Variants in SLAIN1 observed in about 807,000 individuals in gnomAD.
SLAIN1 encodes the protein SLAIN motif-containing protein 1.
SLAIN1 carries 17 observed loss-of-function variants against 55.4 expected under a neutral mutation model. That is an observed-to-expected ratio of 0.31 (90% CI 0.21 to 0.46). SLAIN1 has a LOEUF of 0.46. SLAIN1 is among the 20% of genes least tolerant of loss of function. The probability of loss-of-function intolerance (pLI) is 1.00; values close to 1 mark genes in which losing one functional copy is unlikely to be tolerated. For missense variants in SLAIN1, 682 were observed against 785.1 expected (o/e 0.87, Z 1.57); for synonymous variants, 348 against 337.4 (o/e 1.03, Z -0.35).
rs1028036952 is a variant in SLAIN1, at chr13:77,705,093, T to C, written c.626+6554T>C. Reference sequence around the variant, plus strand: ...CACACATAAAATATATACTTGTGTGTATACATATGTGACTGTACCATTTGT... The same window carrying C: ...CACACATAAAATATATACTTGTGTGCATACATATGTGACTGTACCATTTGT... On this transcript the variant is annotated intron_variant, in intron 1 of 6. Transcript: ENST00000418532. 1.1e-4 allele frequency among the ~76,000 whole-genome samples: 16 copies of C among 151,644 alleles called. 4 individuals carry two copies. The highest frequency in any genetic ancestry group is 1.8e-4 in the Non-Finnish European group (12 of 67,716).
intron 3 of SLAIN1, among the ~76,000 whole-genome samples, chr13:77,746,297 CT>C (rs1230172070): frequency 6.6e-6 from 1 of 152,048 alleles, no homozygotes; most frequent in Non-Finnish European, 1.5e-5. Flanking sequence ...TTGGGGCAAT[CT>C]TTTTGCAAAA....
chr13:77,737,701 A>C (rs1348924637), intron 2 of SLAIN1, among the ~76,000 whole-genome samples: 1 of 152,058 alleles, frequency 6.6e-6, no homozygotes, highest in Non-Finnish European at 1.5e-5. Flanking sequence ...ATTAAACTTA[A>C]TGTCTCCTGA....
At chr13:77,740,152 C>T (rs1380378590) in intron 2 of SLAIN1, among the ~76,000 whole-genome samples, 3 of 151,928 alleles carry the variant, frequency 2.0e-5, no homozygotes, top group Non-Finnish European at 4.4e-5. Context: ...AGCTGAAGTA[C>T]CTTTAAGGTC....
intron 2 of SLAIN1, among the ~76,000 whole-genome samples, chr13:77,738,450 T>C (rs1241837853): frequency 6.6e-6 from 1 of 152,044 alleles, no homozygotes; most frequent in African/African-American, 2.4e-5. Context: ...CTGTGAATTT[T>C]AGTGAAACAG....
chr13:77,746,743 G>C lies in SLAIN1; in HGVS notation c.1146G>C (p.Glu382Asp), dbSNP rs144934253. Residue 382 changes from glutamate (E) to aspartate (D), a missense_variant, in exon 4 of 7, where the codon GAG becomes GAC. Glu to Asp is a conservative substitution (Grantham distance 45, BLOSUM62 2). Coordinates refer to ENST00000418532, the MANE Select transcript of SLAIN1 (RefSeq NM_001242868.2). ...CACAGACTTTCTCCAGCATTCGGGA[G>C]TGTAGGAGGAGCCCCAGTTCCCAGT... Reference protein sequence around the residue: ...PHSQTFSSIRECRRSPSSQYF... With the variant: ...PHSQTFSSIRDCRRSPSSQYF... 6.2e-7 allele frequency: 1 copy of C among 1,613,846 alleles called. No homozygotes were observed. Among genetic ancestry groups the C allele is most frequent in the East Asian group, 2.2e-5 (1 of 44,860 alleles).
At chr13:77,743,001 C>G in intron 2 of SLAIN1, 1 of 1,264,044 alleles carries the variant, frequency 7.9e-7, no homozygotes, top group Non-Finnish European at 1.0e-6. Flanking sequence ...CTGCTATTTT[C>G]TGCTTCTGTG....
At chr13:77,719,152 T>C (rs941493360) in intron 1 of SLAIN1, among the ~76,000 whole-genome samples, 1 of 152,036 alleles carries the variant, frequency 6.6e-6, no homozygotes. Flanking sequence ...TTAGCCCAAG[T>C]TTACAAAAGA....
At chr13:77,703,821 G>C (rs994801559) in intron 1 of SLAIN1, among the ~76,000 whole-genome samples, 12 of 149,090 alleles carry the variant, frequency 8.0e-5, no homozygotes, top group Non-Finnish European at 1.6e-4. Context: ...GAGATTGAAG[G>C]CTCTTAAAAT....
At chr13:77,746,330 A>G (rs1340086992) in intron 3 of SLAIN1, among the ~76,000 whole-genome samples, 184 bp from the exon 4 acceptor site, 3 of 152,174 alleles carry the variant, frequency 2.0e-5, no homozygotes, top group Non-Finnish European at 4.4e-5. Context: ...AATATTAGAT[A>G]TCTGTTTCAT....
intron 2 of SLAIN1, among the ~76,000 whole-genome samples, chr13:77,731,148 A>G (rs904148809): frequency 6.6e-6 from 1 of 152,146 alleles, no homozygotes. Flanking sequence ...CTCAGGATGA[A>G]CTAAGATAGA....
intron 2 of SLAIN1, among the ~76,000 whole-genome samples, chr13:77,738,221 T>TACGTATATAC (rs1555278587): frequency 6.7e-6 from 1 of 150,372 alleles, no homozygotes. Flanking sequence ...CATATACACA[T>TACGTATATAC]ACATATATAC....
chr13:77,730,567 T>C (rs929266994), intron 2 of SLAIN1, among the ~76,000 whole-genome samples: 1 of 152,212 alleles, frequency 6.6e-6, no homozygotes, highest in African/African-American at 2.4e-5. Context: ...GTTGATGTTC[T>C]CAATTATTTA....
chr13:77,725,244 G>GT (rs1395195149), intron 2 of SLAIN1, among the ~76,000 whole-genome samples: 4 of 152,266 alleles, frequency 2.6e-5, no homozygotes, highest in African/African-American at 7.2e-5. Context: ...TCACAAGCAT[G>GT]TTTACTCTAA....
At chr13:77,714,028 G>GT (rs2091180773) in intron 1 of SLAIN1, among the ~76,000 whole-genome samples, 1 of 152,022 alleles carries the variant, frequency 6.6e-6, no homozygotes, top group Admixed American at 6.6e-5. Context: ...GTCGAGGGGT[G>GT]GGGGGCTAGG....
chr13:77,698,863 C>A lies in SLAIN1; in HGVS notation c.626+324C>A. 3 of 1,510,858 alleles carry A rather than the reference C, an allele frequency of 2.0e-6. No individual in the cohort carries two copies. The highest frequency in any genetic ancestry group is 2.7e-6 in the Non-Finnish European group (3 of 1,130,332). The allele number at this position is 1,510,858 out of a possible 1,614,324, so 93.6% of individuals were successfully genotyped here. On this transcript the variant is annotated intron_variant, in intron 1 of 6. Coordinates refer to ENST00000418532, the MANE Select transcript of SLAIN1 (RefSeq NM_001242868.2). The surrounding 1 kb of genome is among the most constrained non-coding windows in gnomAD (Gnocchi z 4.1). Reference sequence around the variant, plus strand: ...TTAGCATTAAGTGCAAAATCCATGTCATCTTGTCTTTTTGCTCAGTGCTGC... The same window carrying A: ...TTAGCATTAAGTGCAAAATCCATGTAATCTTGTCTTTTTGCTCAGTGCTGC...
At chr13:77,718,827 A>G (rs1294538079) in intron 1 of SLAIN1, among the ~76,000 whole-genome samples, 1 of 152,102 alleles carries the variant, frequency 6.6e-6, no homozygotes, top group Non-Finnish European at 1.5e-5. Flanking sequence ...ATCTACCTTA[A>G]CATGGCATAT....
At chr13:77,713,448 A>T (rs1566223367) in intron 1 of SLAIN1, among the ~76,000 whole-genome samples, 1 of 152,224 alleles carries the variant, frequency 6.6e-6, no homozygotes, top group Non-Finnish European at 1.5e-5. Context: ...CATTAGAGAA[A>T]TGTAAATCAA....
intron 1 of SLAIN1, among the ~76,000 whole-genome samples, chr13:77,701,453 G>A (rs536767628): frequency 6.6e-6 from 1 of 151,978 alleles, no homozygotes; most frequent in South Asian, 2.1e-4. Flanking sequence ...TAGTTCATTA[G>A]TTAATGATTA....
At chr13:77,723,093 TTTG>T (rs1406398018) in intron 2 of SLAIN1, among the ~76,000 whole-genome samples, 1 of 152,088 alleles carries the variant, frequency 6.6e-6, no homozygotes, top group Non-Finnish European at 1.5e-5. Flanking sequence ...GACACCTAGT[TTTG>T]TTGTTGTTGT....
Sources: gnomAD v4.1 joint callset for allele counts (sites outside exome capture counted in the v4.1 genomes callset) on GRCh38, gnomAD v4.1.1 for gene constraint, Gnocchi (gnomAD v3.1) non-coding constraint, MANE v1.5 for transcripts, NCBI Gene and HGNC (gene_info 2026-07-23, HGNC 2026-07-21) for gene names.